The following METTL4 variants were observed in gnomAD, a reference collection of about 807,000 sequenced individuals.
METTL4 encodes the protein N(6)-adenine-specific methyltransferase METTL4.
Under a neutral mutation model 54.0 loss-of-function variants are expected in METTL4, and 40 were observed. The observed-to-expected ratio is 0.74, with a 90% CI of 0.58 to 0.96. The LOEUF (loss-of-function observed/expected upper bound fraction) is 0.96, where lower values mean the gene tolerates loss of function less well. Among genes scored for constraint, METTL4 ranks in the 50% least tolerant of loss-of-function variants. The pLI is 0.00. For synonymous variants in METTL4, 169 were observed against 183.8 expected (o/e 0.92, Z 0.65); for missense variants, 525 against 549.0 (o/e 0.96, Z 0.44).
chr18:2,556,110 C>T (rs1356789779), intron 3 of METTL4, among the ~76,000 whole-genome samples: 4 of 151,808 alleles, frequency 2.6e-5, no homozygotes, highest in Admixed American at 6.6e-5. Flanking sequence ...AGCCGAGTCA[C>T]GATCAACACA....
At chr18:2,566,056 AATAAAT>A (rs1567982963) in intron 2 of METTL4, among the ~76,000 whole-genome samples, 6 of 95,980 alleles carry the variant, frequency 6.3e-5, no homozygotes, top group Admixed American at 1.9e-4. Context: ...CAAATAAATA[AATAAAT>A]AAATAAATAA....
At chr18:2,547,617 A>G in intron 5 of METTL4, 88 bp from the exon 6 acceptor site, 1 of 949,316 alleles carries the variant, frequency 1.1e-6, no homozygotes, top group Non-Finnish European at 1.5e-6. Context: ...CACAGACTCC[A>G]CAAATGCAAA....
chr18:2,539,258 C>A lies in METTL4; in HGVS notation c.1274-113G>T, dbSNP rs150333313. ...ATTTCATTTTGTTCTTAAAAGACAG[C>A]AAATTAATTTCAAGGATTTCATCAC... On this transcript the variant is annotated intron_variant, in intron 8 of 8. Coordinates refer to ENST00000574538, the MANE Select transcript of METTL4 (RefSeq NM_022840.5). 397 of 857,490 alleles carry A rather than the reference C, an allele frequency of 4.6e-4. 4 individuals carry two copies. The East Asian group carries it at 9.9e-3, about 21-fold the overall frequency. 53.1% of individuals were successfully genotyped at this position (857,490 alleles called of 1,614,324 possible). A position where few individuals can be genotyped will look rare whatever the true frequency, so the allele number is the denominator to read the frequency against.
chr18:2,559,327 A>G (rs528770156), intron 3 of METTL4, among the ~76,000 whole-genome samples: 30 of 152,344 alleles, frequency 2.0e-4, no homozygotes, highest in Admixed American at 7.2e-4. Context: ...TGAACCTTGA[A>G]GACATAGTGA....
At chr18:2,563,087 T>C (rs1414466695) in intron 3 of METTL4, among the ~76,000 whole-genome samples, 1 of 152,196 alleles carries the variant, frequency 6.6e-6, no homozygotes, top group Non-Finnish European at 1.5e-5. Context: ...CTGTTTCTTC[T>C]CATTTCTTTA....
chr18:2,564,231 A>G lies in METTL4; in HGVS notation c.397-372T>C, dbSNP rs193033889. 1.8e-3 allele frequency among the ~76,000 whole-genome samples: 270 copies of G among 146,164 alleles called. 1 individual carries two copies. The East Asian group carries it at 0.031, about 17-fold the overall frequency. ...ATCCCGGCTAACATGGTGAAACCCC[A>G]TCTCTACTAAAAATACAAAAAAAAA... On this transcript the variant is annotated intron_variant, in intron 2 of 8. Coordinates refer to ENST00000574538, the MANE Select transcript of METTL4 (RefSeq NM_022840.5).
chr18:2,559,427 T>C (rs1386309342), intron 3 of METTL4, among the ~76,000 whole-genome samples: 1 of 148,680 alleles, frequency 6.7e-6, no homozygotes, highest in Non-Finnish European at 1.5e-5. Context: ...AGAATACTAG[T>C]TACCAGGCAG....
Position 2,566,802 on chromosome 18 carries a change from A to C in METTL4, c.396+19T>G, listed in dbSNP as rs751574207. On this transcript the variant is annotated intron_variant, in intron 2 of 8. Transcript: ENST00000574538. ...TTATGTTTTCTGGAGAAAAATAAATATTTCTTAAAACTTTCTACCTTCCCA... is the reference window on the plus strand; with the variant it reads ...TTATGTTTTCTGGAGAAAAATAAATCTTTCTTAAAACTTTCTACCTTCCCA... 4 of 1,499,950 alleles carry C rather than the reference A, an allele frequency of 2.7e-6. No individual in the cohort carries two copies. Among genetic ancestry groups the C allele is most frequent in the Non-Finnish European group, 3.6e-6 (4 of 1,117,438 alleles). The allele number at this position is 1,499,950 out of a possible 1,614,324, so 92.9% of individuals were successfully genotyped here. A position where few individuals can be genotyped will look rare whatever the true frequency, so the allele number is the denominator to read the frequency against.
Position 2,567,193 on chromosome 18 carries a change from T to G in METTL4, c.24A>C (p.Ser8=). 6.2e-7 allele frequency: 1 copy of G among 1,610,182 alleles called. No individual in the cohort carries two copies. The highest frequency in any genetic ancestry group is 8.5e-7 in the Non-Finnish European group (1 of 1,177,900). Residue 8 remains serine, a synonymous_variant, in exon 2 of 9, where the codon TCA becomes TCC. Transcript: ENST00000574538. The part of the protein sequence containing the change: MSVVHQL[S]AGWLLDHLSF... ...AAAGATGATCCAGTAACCACCCAGC[T>G]GACAACTGGTGTACCACAGACATTC...
At chr18:2,544,136 T>C (rs1167991771) in intron 8 of METTL4, 59 bp downstream of exon 8, 4 of 1,350,094 alleles carry the variant, frequency 3.0e-6, no homozygotes, top group East Asian at 2.3e-5. Flanking sequence ...AAATACTAAA[T>C]GTACACTTTT....
At chr18:2,568,541 C>A (rs1567986754) in intron 1 of METTL4, 1 of 152,280 alleles carries the variant, frequency 6.6e-6, no homozygotes, top group South Asian at 2.1e-4. Flanking sequence ...CCCCTGAGGT[C>A]GGGAGTTCAA....
intron 3 of METTL4, among the ~76,000 whole-genome samples, chr18:2,557,733 TG>T (rs2143551613): frequency 6.6e-6 from 1 of 152,318 alleles, no homozygotes; most frequent in South Asian, 2.1e-4. Context: ...TCATGTGACA[TG>T]GGGTGCAAAG....
intron 6 of METTL4, 148 bp from the exon 7 acceptor site, chr18:2,544,907 A>G (rs2072049371): frequency 2.0e-6 from 1 of 495,656 alleles, no homozygotes; most frequent in South Asian, 3.5e-5. Context: ...ATTTTCTAAT[A>G]GAAACACCAA....
Position 2,539,076 on chromosome 18 carries a change from C to T in METTL4, c.1343G>A (p.Gly448Asp), listed in dbSNP as rs143866922. ...LELFARNLQP[G>D]WTSWGNEVLK... ...AACTTCATTGCCCCAACTAGTCCAA[C>T]CTGGCTGTAAATTTCGAGCAAACAA... Residue 448 changes from glycine to aspartate, a missense_variant, in exon 9 of 9, where the codon GGT (glycine) becomes GAT (aspartate). Physicochemically the swap from Gly to Asp is moderately conservative, Grantham distance 94. Transcript: ENST00000574538. 8 of 1,613,804 alleles carry T rather than the reference C, an allele frequency of 5.0e-6. No individual in the cohort carries two copies. Among genetic ancestry groups the T allele is most frequent in the Non-Finnish European group, 6.8e-6 (8 of 1,179,900 alleles).
chr18:2,567,312 T>C lies in METTL4; in HGVS notation c.-96A>G. 1 of 1,054,986 alleles carries C rather than the reference T, an allele frequency of 9.5e-7. No individual in the cohort carries two copies. Among genetic ancestry groups the C allele is most frequent in the Non-Finnish European group, 1.4e-6 (1 of 729,706 alleles). The allele number at this position is 1,054,986 out of a possible 1,614,324, so 65.4% of individuals were successfully genotyped here. On this transcript the variant is annotated 5_prime_UTR_variant, in exon 2 of 9. The change abolishes an upstream ATG in the 5' untranslated region. Transcript: ENST00000574538. Reference sequence around the variant, plus strand: ...TAAATATCTTGTATTTCAATAAACATACACTTCATACACACAGATAGATTT... The same window carrying C: ...TAAATATCTTGTATTTCAATAAACACACACTTCATACACACAGATAGATTT...
rs1291532710 is a variant in METTL4 at position 2,567,411 on chromosome 18, T to C, written c.-195A>G. ...TTCATGATGTTAATATATACAGAAA[T>C]TCTAAGGAAAATTGCAATGTTTTAA... On this transcript the variant is annotated 5_prime_UTR_variant, in exon 2 of 9. Coordinates refer to ENST00000574538, the MANE Select transcript of METTL4 (RefSeq NM_022840.5). The C allele has an allele frequency of 4.9e-6, 2 of 411,204 alleles. No homozygotes were observed. The highest frequency in any genetic ancestry group is 8.7e-5 in the Admixed American group (2 of 23,012). The allele number at this position is 411,204 out of a possible 1,614,324, so 25.5% of individuals were successfully genotyped here. A position where few individuals can be genotyped will look rare whatever the true frequency, so the allele number is the denominator to read the frequency against.
Position 2,567,158 on chromosome 18 carries a change from T to C in METTL4, c.59A>G (p.Asn20Ser), listed in dbSNP as rs1453063881. Residue 20 changes from asparagine to serine, a missense_variant, in exon 2 of 9, where the codon AAC becomes AGC. Physicochemically the swap from Asn to Ser is conservative, Grantham distance 46. Transcript: ENST00000574538. ...GWLLDHLSFI[N>S]KINYQLHQHH... ...CTGGTGAAGTTGATAGTTTATCTTG[T>C]TGATAAAAGAAAGATGATCCAGTAA... The C allele has an allele frequency of 3.1e-6, 5 of 1,613,890 alleles. No homozygotes were observed. The South Asian group carries it at 4.4e-5, about 14-fold the overall frequency.
intron 7 of METTL4, 85 bp from the exon 8 acceptor site, chr18:2,544,371 C>T (rs900707231): frequency 4.4e-5 from 41 of 935,618 alleles, no homozygotes; most frequent in Non-Finnish European, 6.4e-5. Flanking sequence ...TTTTTGTTCT[C>T]TTTCTGTATC....
At chr18:2,547,852 C>T (rs2072095021) in intron 5 of METTL4, among the ~76,000 whole-genome samples, 1 of 151,886 alleles carries the variant, frequency 6.6e-6, no homozygotes. Context: ...TGTTTAGATC[C>T]CATACTCTAC....
Sources: gnomAD v4.1 joint callset for allele counts (sites outside exome capture counted in the v4.1 genomes callset) on GRCh38, gnomAD v4.1.1 for gene constraint, MANE v1.5 for transcripts, NCBI Gene and HGNC (gene_info 2026-07-23, HGNC 2026-07-21) for gene names.